Variants in NUP58 observed in about 807,000 individuals in gnomAD.
NUP58 encodes nucleoporin p58/p45.
A neutral mutation model predicts 70.1 loss-of-function variants in NUP58; 17 were observed. The ratio of observed to expected loss-of-function variants is 0.24; its 90% CI spans 0.17 to 0.36. The LOEUF is 0.36. Ranked by LOEUF, NUP58 falls within the 10% of genes least tolerant of loss-of-function variation. NUP58 has a pLI of 1.00. For missense variants in NUP58, 644 were observed against 701.5 expected (o/e 0.92, Z 0.93); for synonymous variants, 275 against 257.6 (o/e 1.07, Z -0.65).
chr13:25,319,735 G>A (rs1025564700), intron 7 of NUP58, among the ~76,000 whole-genome samples: 4 of 151,992 alleles, frequency 2.6e-5, no homozygotes, highest in African/African-American at 9.7e-5. Flanking sequence ...GGTGTTTTCA[G>A]TGAAGAGAAT....
intron 13 of NUP58, chr13:25,332,171 A>G (rs1226409191): frequency 1.0e-6 from 1 of 985,914 alleles, no homozygotes; most frequent in South Asian, 4.7e-5. Flanking sequence ...CAAGAGCAGG[A>G]AAAAGATGTT....
At chr13:25,337,750 A>G (rs73168527) in intron 14 of NUP58, among the ~76,000 whole-genome samples, 2,705 of 152,286 alleles carry the variant, frequency 0.018, 43 homozygotes, top group South Asian at 0.029. Flanking sequence ...TGTTTAATAT[A>G]GACTCTGTTC....
downstream of NUP58, among the ~76,000 whole-genome samples, chr13:25,347,060 A>C (rs2137856361): frequency 6.6e-6 from 1 of 152,272 alleles, no homozygotes; most frequent in South Asian, 2.1e-4. Flanking sequence ...AAATTCATTT[A>C]TGTTTTTTAT....
intron 3 of NUP58, among the ~76,000 whole-genome samples, chr13:25,309,655 G>T (rs1007994473): frequency 6.6e-6 from 1 of 152,134 alleles, no homozygotes; most frequent in African/African-American, 2.4e-5. Context: ...AATGTTTGGG[G>T]CTTTTAGTTA....
In NUP58 at chr13:25,341,948, G is replaced by C. The variant is rs1566075256; in HGVS notation, c.*1814G>C. On this transcript the variant is annotated 3_prime_UTR_variant, in exon 16 of 16. Transcript: ENST00000381736. ...TGCCACACATTTTTTGTATAATGTT[G>C]GGTTTGATTATAAAAGTGTTGTCAA... 2 of 152,064 alleles carry C rather than the reference G, an allele frequency of 1.3e-5. No individual in the cohort carries two copies. The highest frequency in any genetic ancestry group is 2.9e-5 in the Non-Finnish European group (2 of 68,002). The allele number at this position is 152,064 out of a possible 1,614,324, so 9.4% of individuals were successfully genotyped here. A position where few individuals can be genotyped will look rare whatever the true frequency, so the allele number is the denominator to read the frequency against.
rs796547133 is a variant in NUP58, at chr13:25,310,206, A to ATTTT, written c.286+951_286+954dup. Among the ~76,000 whole-genome samples the ATTTT allele has an allele frequency of 6.3e-3, 301 of 47,486 alleles. 6 individuals carry two copies. Among genetic ancestry groups the ATTTT allele is most frequent in the African/African-American group, 0.019 (284 of 15,346 alleles). The allele number at this position is 47,486 out of a possible 152,430, so 31.2% of individuals were successfully genotyped here. On this transcript the variant is annotated intron_variant, in intron 3 of 15. Coordinates refer to ENST00000381736, the MANE Select transcript of NUP58 (RefSeq NM_014089.4). ...AGGCACATACCACAACCCTTGGCTA[A>ATTTT]TTTTTTTTTTTTTTTTTTTTTTTTT...
downstream of NUP58, among the ~76,000 whole-genome samples, chr13:25,345,974 G>A (rs1047087386): frequency 5.3e-5 from 8 of 152,124 alleles, no homozygotes; most frequent in African/African-American, 1.4e-4. Context: ...GCTTACAAAG[G>A]TTTCATTGCT....
At chr13:25,317,588 A>T (rs2030990581) in intron 6 of NUP58, 1 of 152,206 alleles carries the variant, frequency 6.6e-6, no homozygotes, top group Admixed American at 6.5e-5. Context: ...ATAAAATGTC[A>T]TATCAAAGAA....
rs1015939517 is a variant in NUP58 at position 25,319,462 on chromosome 13, C to T, written c.710+112C>T. ...TATCATATACATTTAGGAGAAAAAA[C>T]TTTTTTGTAATGGTATTCGTTAAAA... On this transcript the variant is annotated intron_variant, in intron 7 of 15. Transcript: ENST00000381736. The T allele has an allele frequency of 4.3e-6, 4 of 939,146 alleles. No homozygotes were observed. The East Asian group carries it at 9.7e-5, about 23-fold the overall frequency. 58.2% of individuals were successfully genotyped at this position (939,146 alleles called of 1,614,324 possible).
intron 1 of NUP58, among the ~76,000 whole-genome samples, chr13:25,304,495 T>TTG (rs2030201931): frequency 1.1e-5 from 1 of 93,668 alleles, no homozygotes. Flanking sequence ...TATATATATA[T>TTG]ATATATATAT....
In NUP58 at chr13:25,301,768, C is replaced by T. The variant is rs747953224; in HGVS notation, c.-6C>T. 6.2e-7 allele frequency: 1 copy of T among 1,601,904 alleles called. No homozygotes were observed. Among genetic ancestry groups the T allele is most frequent in the Non-Finnish European group, 8.5e-7 (1 of 1,171,938 alleles). On this transcript the variant is annotated 5_prime_UTR_variant, in exon 1 of 16. Transcript: ENST00000381736. ...CCTTGCTGACGGCGTCGAGCCCTGG[C>T]CAGACATGTCCACAGGGTTCTCCTT...
chr13:25,346,323 A>G (rs2032050202), downstream of NUP58, among the ~76,000 whole-genome samples: 1 of 152,176 alleles, frequency 6.6e-6, no homozygotes, highest in Non-Finnish European at 1.5e-5. Context: ...CTCAACTAGC[A>G]AGTGAATGGG....
chr13:25,349,059 G>A (rs941119296), intron 3 of NUP58, among the ~76,000 whole-genome samples: 5 of 152,018 alleles, frequency 3.3e-5, no homozygotes, highest in African/African-American at 7.2e-5. Flanking sequence ...AACTACCCCC[G>A]ACAAAGTTAG....
At chr13:25,327,202 G>A (rs1382325251) in intron 11 of NUP58, among the ~76,000 whole-genome samples, 168 bp downstream of exon 11, 1 of 152,106 alleles carries the variant, frequency 6.6e-6, no homozygotes, top group Admixed American at 6.6e-5. Context: ...TTTATTATAT[G>A]AATTGTTACT....
intron 13 of NUP58, chr13:25,335,454 G>C: frequency 1.0e-6 from 1 of 985,102 alleles, no homozygotes; most frequent in Non-Finnish European, 1.2e-6. Flanking sequence ...TGTTTTTTAT[G>C]TTTTTTGTTA....
intron 6 of NUP58, chr13:25,317,933 A>T (rs2031010623): frequency 7.5e-6 from 1 of 133,564 alleles, no homozygotes; most frequent in African/African-American, 2.9e-5. Flanking sequence ...GTGTGATCTT[A>T]CCTCACTGCA....
chr13:25,342,625 A>G (rs932547039), downstream of NUP58, among the ~76,000 whole-genome samples: 5 of 152,186 alleles, frequency 3.3e-5, no homozygotes, highest in Admixed American at 3.3e-4. Context: ...GTTATAAAGA[A>G]TAATATTGAG....
intron 13 of NUP58, chr13:25,335,781 A>G: frequency 1.0e-6 from 1 of 984,632 alleles, no homozygotes; most frequent in Non-Finnish European, 1.2e-6. Context: ...GGATAACTTG[A>G]AGGCTTTGAT....
intron 13 of NUP58, 59 bp from the exon 14 acceptor site, chr13:25,336,877 G>A: frequency 9.6e-7 from 1 of 1,042,666 alleles, no homozygotes; most frequent in Non-Finnish European, 1.4e-6. Context: ...CTTTAATCTT[G>A]AAAGAGTAAG....
Sources: allele counts gnomAD v4.1 joint callset (sites outside exome capture counted in the v4.1 genomes callset), GRCh38; gene constraint gnomAD v4.1.1; transcripts MANE v1.5; gene names NCBI Gene and HGNC (gene_info 2026-07-23, HGNC 2026-07-21).